The following FKTN variants were observed in gnomAD, a reference collection of about 807,000 sequenced individuals.
FKTN encodes ribitol-5-phosphate transferase FKTN.
FKTN carries 47 observed loss-of-function variants against 58.6 expected under a neutral mutation model. The observed-to-expected ratio is 0.80, with a 90% CI of 0.63 to 1.02. The LOEUF (loss-of-function observed/expected upper bound fraction) is 1.02. Among genes scored for constraint, FKTN ranks in the 50% least tolerant of loss-of-function variants. The pLI is 0.00. For synonymous variants in FKTN, 178 were observed against 191.9 expected, an observed-to-expected ratio of 0.93 and a Z score of 0.60; for missense variants, 516 against 537.3, an observed-to-expected ratio of 0.96 and a Z score of 0.39.
At position 105,636,958 on chromosome 9, in the gene FKTN, T is replaced by C. The variant is rs779495347; in HGVS notation, c.*1694T>C. 33 of 1,031,608 alleles carry C rather than the reference T, an allele frequency of 3.2e-5. No individual in the cohort carries two copies. The highest frequency in any genetic ancestry group is 3.8e-5 in the Non-Finnish European group (32 of 851,920). 63.9% of individuals were successfully genotyped at this position (1,031,608 alleles called of 1,614,324 possible). A position where few individuals can be genotyped will look rare whatever the true frequency, so the allele number is the denominator to read the frequency against. ...GCAGAATTATTGGGTCTTTCATAAA[T>C]AACATGAGTGGTTTCTGGAGACATT... On this transcript the variant is annotated 3_prime_UTR_variant, in exon 11 of 11. Transcript: ENST00000357998.
chr9:105,599,108 A>G (rs930453215), intron 4 of FKTN, among the ~76,000 whole-genome samples: 8 of 152,168 alleles, frequency 5.3e-5, no homozygotes, highest in African/African-American at 1.7e-4. Flanking sequence ...CTCCCACACG[A>G]CTCAGTAATA....
chr9:105,581,221 C>A (rs988335716), intron 3 of FKTN, among the ~76,000 whole-genome samples: 4 of 149,686 alleles, frequency 2.7e-5, no homozygotes, highest in Non-Finnish European at 5.9e-5. Context: ...GAACTGCGTT[C>A]CTTTGTAGGA....
At chr9:105,571,539 G>C (rs1027175546) in intron 1 of FKTN, among the ~76,000 whole-genome samples, 1 of 152,126 alleles carries the variant, frequency 6.6e-6, no homozygotes, top group African/African-American at 2.4e-5. Flanking sequence ...TTGTAAACTA[G>C]AGAAGAAAGA....
In FKTN at chr9:105,640,300, C is replaced by T. The variant is rs1834331768; in HGVS notation, c.*5036C>T. On this transcript the variant is annotated 3_prime_UTR_variant, in exon 11 of 11. Coordinates refer to ENST00000357998, the MANE Select transcript of FKTN (RefSeq NM_001079802.2). ...GTGCAGTGGCTCACACCTGTAATAC[C>T]AGCAGTTTGAGAAGCTAAGGCAGGT... The T allele has an allele frequency of 1.2e-6, 1 of 806,452 alleles. No individual in the cohort carries two copies. The highest frequency in any genetic ancestry group is 1.8e-5 in the African/African-American group (1 of 57,110). The allele number at this position is 806,452 out of a possible 1,614,324, so 50.0% of individuals were successfully genotyped here. A position where few individuals can be genotyped will look rare whatever the true frequency, so the allele number is the denominator to read the frequency against.
intron 1 of FKTN, among the ~76,000 whole-genome samples, chr9:105,563,292 C>T (rs1042266807): frequency 5.3e-5 from 8 of 152,144 alleles, no homozygotes; most frequent in African/African-American, 1.7e-4. Context: ...TGGGGATTAT[C>T]GGACAGTGGG....
intron 9 of FKTN, among the ~76,000 whole-genome samples, chr9:105,619,394 G>A (rs536925355): frequency 4.6e-5 from 7 of 152,122 alleles, no homozygotes; most frequent in Admixed American, 2.0e-4. Context: ...TGTATGATAA[G>A]TTTTCTTTAG....
chr9:105,578,975 G>A (rs967775703), intron 3 of FKTN, among the ~76,000 whole-genome samples: 3 of 151,686 alleles, frequency 2.0e-5, no homozygotes, highest in African/African-American at 7.3e-5. Context: ...TTTATTCTCT[G>A]ATGGTAGTTT....
intron 6 of FKTN, among the ~76,000 whole-genome samples, chr9:105,605,883 A>G (rs952237555): frequency 1.3e-5 from 2 of 150,588 alleles, no homozygotes; most frequent in Non-Finnish European, 2.9e-5. Flanking sequence ...TAAAATAACT[A>G]AAAGTATACT....
chr9:105,563,091 C>T (rs1224919426), intron 1 of FKTN, among the ~76,000 whole-genome samples: 1 of 152,124 alleles, frequency 6.6e-6, no homozygotes, highest in Non-Finnish European at 1.5e-5. Flanking sequence ...CAGGGTAAAC[C>T]AGTTACCAAA....
chr9:105,575,216 C>A, intron 3 of FKTN, 79 bp downstream of exon 3: 1 of 858,000 alleles, frequency 1.2e-6, no homozygotes, highest in Non-Finnish European at 2.0e-6. Flanking sequence ...CTTTGCAATA[C>A]ATAATATTAA....
At chr9:105,595,703 T>C (rs1165373978) in intron 3 of FKTN, among the ~76,000 whole-genome samples, 1 of 152,184 alleles carries the variant, frequency 6.6e-6, no homozygotes, top group Non-Finnish European at 1.5e-5. Flanking sequence ...CTACTGGTTA[T>C]ACAAAGATGG....
At position 105,636,390 on chromosome 9, in the gene FKTN, G is replaced by C; in HGVS notation, c.*1126G>C. ...AAAATGGAAGCTAAATGGTGGACTT[G>C]ACAACTATTCACCCTACCTCAGATC... On this transcript the variant is annotated 3_prime_UTR_variant, in exon 11 of 11. Transcript: ENST00000357998. 2.0e-6 allele frequency: 2 copies of C among 985,942 alleles called. No individual in the cohort carries two copies. Among genetic ancestry groups the C allele is most frequent in the Non-Finnish European group, 2.4e-6 (2 of 830,294 alleles). 61.1% of individuals were successfully genotyped at this position (985,942 alleles called of 1,614,324 possible).
At chr9:105,606,272 G>A (rs1828872996) in intron 6 of FKTN, among the ~76,000 whole-genome samples, 2 of 151,978 alleles carry the variant, frequency 1.3e-5, no homozygotes, top group South Asian at 2.1e-4. Flanking sequence ...GTGCCTTTAT[G>A]TTATGCACTT....
intron 1 of FKTN, among the ~76,000 whole-genome samples, chr9:105,570,826 T>G (rs1167262577): frequency 6.6e-6 from 1 of 152,112 alleles, no homozygotes; most frequent in African/African-American, 2.4e-5. Context: ...TGAAGAAGTG[T>G]CATTTGAGAG....
chr9:105,628,218 A>G (rs1214459562), intron 10 of FKTN, among the ~76,000 whole-genome samples: 1 of 152,214 alleles, frequency 6.6e-6, no homozygotes, highest in East Asian at 1.9e-4. Context: ...TGACTTTTCT[A>G]TGAATGATCT....
At chr9:105,569,155 G>C (rs1840273346) in intron 1 of FKTN, among the ~76,000 whole-genome samples, 1 of 152,104 alleles carries the variant, frequency 6.6e-6, no homozygotes, top group South Asian at 2.1e-4. Context: ...GGGAGCAAGG[G>C]GGAGGCGTAG....
At chr9:105,603,907 A>T (rs893988552) in intron 5 of FKTN, 3 of 368,068 alleles carry the variant, frequency 8.2e-6, no homozygotes, top group Non-Finnish European at 1.6e-5. Flanking sequence ...AGCTCAAGTG[A>T]TCCACCTGCC....
rs187107360 is a variant in FKTN, at chr9:105,597,922, A to G, written c.165+1265A>G. Reference sequence around the variant, plus strand: ...GGATAAAAGGTTTTCCTTTATCGGTATTAACCAACAACATTCTGACAACAT... The same window carrying G: ...GGATAAAAGGTTTTCCTTTATCGGTGTTAACCAACAACATTCTGACAACAT... On this transcript the variant is annotated intron_variant, in intron 4 of 10. Coordinates refer to ENST00000357998, the MANE Select transcript of FKTN (RefSeq NM_001079802.2). 2.4e-4 allele frequency among the ~76,000 whole-genome samples: 37 copies of G among 152,268 alleles called. No homozygotes were observed. The East Asian group carries it at 3.9e-3, about 16-fold the overall frequency.
intron 3 of FKTN, among the ~76,000 whole-genome samples, chr9:105,588,321 A>G (rs191017731): frequency 1.5e-3 from 223 of 152,128 alleles, no homozygotes; most frequent in Non-Finnish European, 1.4e-3. Flanking sequence ...TTTCCCGTAA[A>G]TTTTTACTCC....
Sources: allele counts gnomAD v4.1 joint callset (sites outside exome capture counted in the v4.1 genomes callset), GRCh38; gene constraint gnomAD v4.1.1; transcripts MANE v1.5; gene names NCBI Gene and HGNC (gene_info 2026-07-23, HGNC 2026-07-21).